Variants in MALRD1 observed in about 807,000 individuals in gnomAD.
MALRD1 encodes MAM and LDL receptor class A domain containing 1, also known as MAM and LDL-receptor class A domain-containing protein 1.
In MALRD1, 247 loss-of-function variants were observed where a neutral mutation model predicts 242.1. That is an observed-to-expected ratio of 1.02 (90% CI 0.92 to 1.13). The LOEUF (loss-of-function observed/expected upper bound fraction) is 1.13, where lower values mean the gene tolerates loss of function less well. Ranked by LOEUF, MALRD1 falls within the 50% of genes most tolerant of loss-of-function variation. The pLI is 0.00. For synonymous variants in MALRD1, 995 were observed against 866.6 expected (o/e 1.15, Z -2.60); for missense variants, 2,989 against 2,533.1 (o/e 1.18, Z -3.86).
chr10:19,105,618 T>C (rs1383697215), intron 5 of MALRD1, among the ~76,000 whole-genome samples: 2 of 152,048 alleles, frequency 1.3e-5, no homozygotes, highest in Non-Finnish European at 2.9e-5. Context: ...TAATGTTCTA[T>C]ATGAGTGTAC....
intron 19 of MALRD1, among the ~76,000 whole-genome samples, chr10:19,267,816 G>A (rs1840030268): frequency 6.6e-6 from 1 of 151,998 alleles, no homozygotes; most frequent in African/African-American, 2.4e-5. Flanking sequence ...GATTTCAGGG[G>A]AAAAATAAAG....
intron 36 of MALRD1, among the ~76,000 whole-genome samples, chr10:19,633,498 C>G (rs570828562): frequency 2.0e-5 from 3 of 152,254 alleles, no homozygotes; most frequent in African/African-American, 7.2e-5. Flanking sequence ...AACTCCACTT[C>G]TCCCCTTAGA....
chr10:19,501,030 T>C (rs1259484099), intron 31 of MALRD1, among the ~76,000 whole-genome samples: 1 of 152,166 alleles, frequency 6.6e-6, no homozygotes, highest in Admixed American at 6.5e-5. Context: ...CATAGGAGTG[T>C]GACAGCCAGT....
intron 18 of MALRD1, among the ~76,000 whole-genome samples, chr10:19,254,024 G>A (rs78854952): frequency 0.026 from 3,877 of 152,026 alleles, 175 homozygotes; most frequent in African/African-American, 0.089. Flanking sequence ...AGAAGGACAT[G>A]TTATCTTCTC....
At chr10:19,174,638 C>T (rs1048812859) in intron 13 of MALRD1, among the ~76,000 whole-genome samples, 1 of 151,694 alleles carries the variant, frequency 6.6e-6, no homozygotes, top group African/African-American at 2.4e-5. Context: ...CATTATTCAG[C>T]GTTAGAATAA....
At chr10:19,640,804 A>T (rs1321185474) in intron 36 of MALRD1, among the ~76,000 whole-genome samples, 1 of 152,150 alleles carries the variant, frequency 6.6e-6, no homozygotes, top group Non-Finnish European at 1.5e-5. Context: ...GTGGTATTAC[A>T]CAGCAAAATA....
At chr10:19,527,363 G>C (rs1344042954) in intron 31 of MALRD1, among the ~76,000 whole-genome samples, 1 of 152,124 alleles carries the variant, frequency 6.6e-6, no homozygotes, top group Non-Finnish European at 1.5e-5. Context: ...ATCTGAATTA[G>C]TGGAGTTTCA....
At chr10:19,264,657 G>T in intron 19 of MALRD1, among the ~76,000 whole-genome samples, 1 of 151,910 alleles carries the variant, frequency 6.6e-6, no homozygotes, top group East Asian at 1.9e-4. Context: ...GTTTCACTGT[G>T]TTAGCCAGGA....
chr10:19,407,476 G>A (rs1833079131), intron 28 of MALRD1, among the ~76,000 whole-genome samples: 1 of 151,726 alleles, frequency 6.6e-6, no homozygotes. Context: ...AGCAAGCCCT[G>A]TTTCTTAAAA....
At chr10:19,526,193 G>A (rs1834092591) in intron 31 of MALRD1, among the ~76,000 whole-genome samples, 1 of 151,984 alleles carries the variant, frequency 6.6e-6, no homozygotes, top group African/African-American at 2.4e-5. Context: ...GTTTGAAAGT[G>A]GGTCTAGTCT....
intron 18 of MALRD1, among the ~76,000 whole-genome samples, chr10:19,214,872 CATT>C (rs1197167375): frequency 6.6e-6 from 1 of 152,158 alleles, no homozygotes. Flanking sequence ...TGAGCAGAAA[CATT>C]GTGGTGTTAG....
At chr10:19,330,809 A>T (rs1455585703) in intron 23 of MALRD1, among the ~76,000 whole-genome samples, 3 of 152,138 alleles carry the variant, frequency 2.0e-5, no homozygotes. Flanking sequence ...CATCACATAC[A>T]TGAATCAAAA....
intron 9 of MALRD1, among the ~76,000 whole-genome samples, chr10:19,134,616 C>A (rs1203356438): frequency 6.6e-6 from 1 of 152,150 alleles, no homozygotes; most frequent in Non-Finnish European, 1.5e-5. Context: ...AACTTCATTT[C>A]TTTATAGTGA....
At chr10:19,463,586 GTGTGTA>G (rs1836058371) in intron 29 of MALRD1, among the ~76,000 whole-genome samples, 1 of 151,386 alleles carries the variant, frequency 6.6e-6, no homozygotes, top group African/African-American at 2.4e-5. Context: ...GTGTGTGTGT[GTGTGTA>G]TATACTCTTT....
intron 1 of MALRD1, among the ~76,000 whole-genome samples, chr10:19,060,893 A>C (rs898402330): frequency 1.3e-5 from 2 of 152,230 alleles, no homozygotes; most frequent in Non-Finnish European, 2.9e-5. Context: ...CTAAATGCCC[A>C]TCAATGACAG....
At chr10:19,064,678 G>A (rs899198386) in intron 1 of MALRD1, among the ~76,000 whole-genome samples, 1 of 151,406 alleles carries the variant, frequency 6.6e-6, no homozygotes, top group Admixed American at 6.6e-5. Context: ...GGCTGAGGTA[G>A]GAGAATCACT....
intron 14 of MALRD1, among the ~76,000 whole-genome samples, chr10:19,190,301 A>T (rs1835915997): frequency 6.6e-6 from 1 of 152,134 alleles, no homozygotes; most frequent in African/African-American, 2.4e-5. Flanking sequence ...ATAAATTTTT[A>T]AAAATATAGA....
chr10:19,321,860 T>C (rs936668224), intron 21 of MALRD1, among the ~76,000 whole-genome samples: 2 of 152,142 alleles, frequency 1.3e-5, no homozygotes, highest in Non-Finnish European at 2.9e-5. Flanking sequence ...CATGATTTAA[T>C]CCAATCTCCA....
At chr10:19,206,563 A>G (rs560481692) in intron 17 of MALRD1, among the ~76,000 whole-genome samples, 14 of 152,334 alleles carry the variant, frequency 9.2e-5, no homozygotes, top group African/African-American at 3.1e-4. Flanking sequence ...GTAGGATGTG[A>G]TAATGCGAGT....
Sources: allele counts gnomAD v4.1 joint callset (sites outside exome capture counted in the v4.1 genomes callset), GRCh38; gene constraint gnomAD v4.1.1; transcripts MANE v1.5; gene names NCBI Gene and HGNC (gene_info 2026-07-23, HGNC 2026-07-21).